The following SORCS3 variants were observed in gnomAD, a reference collection of about 807,000 sequenced individuals.
SORCS3 encodes VPS10 domain-containing receptor SorCS3.
SORCS3 carries 57 observed loss-of-function variants against 146.3 expected under a neutral mutation model. That is an observed-to-expected ratio of 0.39 (90% CI 0.31 to 0.49). The LOEUF (loss-of-function observed/expected upper bound fraction) is 0.49, where lower values mean the gene tolerates loss of function less well. Ranked by LOEUF, SORCS3 falls within the 20% of genes least tolerant of loss-of-function variation. The pLI, the probability that SORCS3 is intolerant of heterozygous loss-of-function variation, is 0.92. For missense variants in SORCS3, 1,341 were observed against 1,575.5 expected, an observed-to-expected ratio of 0.85 and a Z score of 2.52; for synonymous variants, 653 against 618.5, an observed-to-expected ratio of 1.06 and a Z score of -0.83.
chr10:104,873,673 C>T (rs1057253448), intron 2 of SORCS3, among the ~76,000 whole-genome samples: 1 of 152,158 alleles, frequency 6.6e-6, no homozygotes, highest in Non-Finnish European at 1.5e-5. Context: ...ATTTGCTTGG[C>T]ATAATGCACT....
chr10:104,818,103 CT>C (rs1434900703), intron 1 of SORCS3, among the ~76,000 whole-genome samples: 2 of 152,172 alleles, frequency 1.3e-5, no homozygotes, highest in Non-Finnish European at 2.9e-5. Flanking sequence ...CCTGTGCACA[CT>C]TGGTTAGTCA....
chr10:105,170,385 TC>T (rs920692938), intron 13 of SORCS3, among the ~76,000 whole-genome samples: 2 of 152,056 alleles, frequency 1.3e-5, no homozygotes, highest in Admixed American at 1.3e-4. Flanking sequence ...GTAATATATC[TC>T]TTTTCTTGGT....
At chr10:104,958,589 T>A (rs1490215532) in intron 3 of SORCS3, among the ~76,000 whole-genome samples, 1 of 152,134 alleles carries the variant, frequency 6.6e-6, no homozygotes, top group Non-Finnish European at 1.5e-5. Context: ...TAGCTGCTGC[T>A]GGCTTTGAAG....
At chr10:104,731,861 A>T (rs1018992145) in intron 1 of SORCS3, among the ~76,000 whole-genome samples, 3 of 152,180 alleles carry the variant, frequency 2.0e-5, no homozygotes, top group African/African-American at 7.2e-5. Flanking sequence ...CCCTTCATTC[A>T]TCTCTGGTTG....
chr10:104,904,396 T>G (rs1321816464), intron 2 of SORCS3, among the ~76,000 whole-genome samples: 1 of 152,184 alleles, frequency 6.6e-6, no homozygotes, highest in Non-Finnish European at 1.5e-5. Flanking sequence ...TAATGATAAT[T>G]TTTATCCTTT....
Position 105,242,605 on chromosome 10 carries a change from CATTTATATAT to C in SORCS3, c.2869-2917_2869-2908del, listed in dbSNP as rs1564793676. Among the ~76,000 whole-genome samples the C allele has an allele frequency of 6.3e-4, 25 of 39,894 alleles. 1 individual carries two copies. In the South Asian group the frequency reaches 6.8e-3, roughly 11 times the overall value. The allele number at this position is 39,894 out of a possible 152,430, so 26.2% of individuals were successfully genotyped here. A position where few individuals can be genotyped will look rare whatever the true frequency, so the allele number is the denominator to read the frequency against. ...ATATATATTTATATATGTTTATATA[CATTTATATAT>C]ATTTATATATATTTATATACATTTA... On this transcript the variant is annotated intron_variant, in intron 20 of 26. Coordinates refer to ENST00000369701, the MANE Select transcript of SORCS3 (RefSeq NM_014978.3).
chr10:104,739,784 C>T (rs142249186), intron 1 of SORCS3, among the ~76,000 whole-genome samples: 1 of 152,320 alleles, frequency 6.6e-6, no homozygotes, highest in East Asian at 1.9e-4. Context: ...CTTCTATACC[C>T]ATTTCACCTA....
chr10:104,813,297 G>A (rs1288441330), intron 1 of SORCS3, among the ~76,000 whole-genome samples: 1 of 152,154 alleles, frequency 6.6e-6, no homozygotes. Context: ...CATTGTGAAA[G>A]GTATCCTCAC....
At chr10:105,185,294 T>C (rs181187299) in intron 14 of SORCS3, among the ~76,000 whole-genome samples, 18 of 152,360 alleles carry the variant, frequency 1.2e-4, no homozygotes, top group Admixed American at 1.1e-3. Context: ...CAGGTGTATC[T>C]TGCTTGGTGT....
intron 18 of SORCS3, among the ~76,000 whole-genome samples, chr10:105,215,003 A>C (rs1271684336): frequency 6.6e-6 from 1 of 152,158 alleles, no homozygotes; most frequent in Non-Finnish European, 1.5e-5. Context: ...CTTTATTCTG[A>C]CCCTTAATCC....
At chr10:105,153,841 C>T (rs575734029) in intron 9 of SORCS3, among the ~76,000 whole-genome samples, 20 of 151,970 alleles carry the variant, frequency 1.3e-4, no homozygotes, top group African/African-American at 3.1e-4. Flanking sequence ...GAGACCCAGG[C>T]GGGCGAATCA....
At chr10:105,228,826 G>A (rs933941685) in intron 20 of SORCS3, among the ~76,000 whole-genome samples, 1 of 152,146 alleles carries the variant, frequency 6.6e-6, no homozygotes, top group Non-Finnish European at 1.5e-5. Context: ...GTGGCATAAA[G>A]AAGATCTTTT....
intron 4 of SORCS3, among the ~76,000 whole-genome samples, chr10:105,020,180 T>G (rs1290463171): frequency 3.3e-5 from 5 of 152,232 alleles, no homozygotes; most frequent in African/African-American, 1.2e-4. Context: ...GGAAGCTTTT[T>G]GGCTCTGTTA....
At chr10:105,196,028 G>A (rs2056542092) in intron 14 of SORCS3, among the ~76,000 whole-genome samples, 1 of 144,622 alleles carries the variant, frequency 6.9e-6, no homozygotes, top group Non-Finnish European at 1.5e-5. Flanking sequence ...ATGTACCTGT[G>A]AGGATTGCAA....
chr10:104,748,269 T>C (rs2016939151), intron 1 of SORCS3, among the ~76,000 whole-genome samples: 1 of 152,244 alleles, frequency 6.6e-6, no homozygotes, highest in Non-Finnish European at 1.5e-5. Context: ...CAGTTTGTTC[T>C]AGCAAATAAT....
intron 1 of SORCS3, among the ~76,000 whole-genome samples, chr10:104,842,581 A>C (rs1388075849): frequency 6.6e-6 from 1 of 152,234 alleles, no homozygotes; most frequent in Non-Finnish European, 1.5e-5. Context: ...GTCAGGATTA[A>C]AATAAATGCT....
chr10:104,786,571 A>AATAATAATAATAATAATAATT lies in SORCS3; in HGVS notation c.628-56215_628-56214insATAATAATAATAATTATAATA, dbSNP rs1471704375. 2.0e-5 allele frequency among the ~76,000 whole-genome samples: 3 copies of AATAATAATAATAATAATAATT among 149,408 alleles called. No individual in the cohort carries two copies. In the East Asian group the frequency reaches 5.8e-4, roughly 29 times the overall value. On this transcript the variant is annotated intron_variant, in intron 1 of 26. Coordinates refer to ENST00000369701, the MANE Select transcript of SORCS3 (RefSeq NM_014978.3). ...CTAAAATAATAATAATAATAATAAT[A>AATAATAATAATAATAATAATT]ATAATAGTGATGATGATGATAAAAG...
chr10:104,844,970 C>A (rs1261010775), intron 2 of SORCS3, among the ~76,000 whole-genome samples: 1 of 152,204 alleles, frequency 6.6e-6, no homozygotes, highest in Non-Finnish European at 1.5e-5. Context: ...AAGTCTGTTT[C>A]TCTGCATATA....
chr10:104,822,431 G>A (rs139374530), intron 1 of SORCS3, among the ~76,000 whole-genome samples: 130 of 152,298 alleles, frequency 8.5e-4, no homozygotes, highest in African/African-American at 2.5e-3. Context: ...AAGGAGATAC[G>A]ATCAAATGTG....
Sources: gnomAD v4.1 joint callset for allele counts (sites outside exome capture counted in the v4.1 genomes callset) on GRCh38, gnomAD v4.1.1 for gene constraint, MANE v1.5 for transcripts, NCBI Gene and HGNC (gene_info 2026-07-23, HGNC 2026-07-21) for gene names.